Variants in STPG2 observed in about 807,000 individuals in gnomAD.
STPG2 encodes sperm tail PG-rich repeat containing 2.
A neutral mutation model predicts 54.2 loss-of-function variants in STPG2; 56 were observed. That is an observed-to-expected ratio of 1.03 (90% CI 0.83 to 1.29). STPG2 has a LOEUF of 1.29. Among genes scored for constraint, STPG2 ranks in the 50% most tolerant of loss-of-function variants. The pLI is 0.00. For missense variants in STPG2, 596 were observed against 544.9 expected (o/e 1.09, Z -0.93); for synonymous variants, 200 against 181.8 (o/e 1.10, Z -0.81).
intron 8 of STPG2, among the ~76,000 whole-genome samples, chr4:97,923,409 G>T (rs899097088): frequency 6.6e-6 from 1 of 151,918 alleles, no homozygotes; most frequent in African/African-American, 2.4e-5. Flanking sequence ...GAGTGCAGGC[G>T]CACAGCGCAG....
intron 10 of STPG2, among the ~76,000 whole-genome samples, chr4:97,667,164 T>C (rs1366118917): frequency 6.6e-6 from 1 of 152,186 alleles, no homozygotes; most frequent in Non-Finnish European, 1.5e-5. Context: ...CAGTGGAAAC[T>C]AGAAATATAA....
chr4:97,470,577 A>G (rs938876323), intron 4 of STPG2, among the ~76,000 whole-genome samples: 9 of 152,148 alleles, frequency 5.9e-5, no homozygotes, highest in African/African-American at 2.2e-4. Flanking sequence ...TGTTGTTTTT[A>G]TACACATTCT....
intron 4 of STPG2, among the ~76,000 whole-genome samples, chr4:97,541,476 C>T (rs1578374824): frequency 6.6e-6 from 1 of 152,152 alleles, no homozygotes; most frequent in Admixed American, 6.5e-5. Context: ...AAAGAGGACA[C>T]AAGCAAATGG....
intron 8 of STPG2, among the ~76,000 whole-genome samples, chr4:97,925,918 C>T (rs942895945): frequency 6.6e-6 from 1 of 152,100 alleles, no homozygotes; most frequent in East Asian, 1.9e-4. Context: ...TAACCTATAC[C>T]TTTTATTCCT....
intron 8 of STPG2, among the ~76,000 whole-genome samples, chr4:97,913,887 CAAT>C (rs937440302): frequency 6.6e-6 from 1 of 151,934 alleles, no homozygotes; most frequent in Non-Finnish European, 1.5e-5. Flanking sequence ...TTAACATTTA[CAAT>C]AATATAATTT....
chr4:97,989,336 T>C (rs1252142727), intron 5 of STPG2, among the ~76,000 whole-genome samples: 1 of 152,190 alleles, frequency 6.6e-6, no homozygotes, highest in East Asian at 1.9e-4. Flanking sequence ...CGTATTCTTC[T>C]TCTCCCTATA....
chr4:98,103,457 C>A (rs898564486), intron 5 of STPG2, among the ~76,000 whole-genome samples: 1 of 151,904 alleles, frequency 6.6e-6, no homozygotes, highest in Non-Finnish European at 1.5e-5. Context: ...GCCTGACCAA[C>A]ATAGAGAAAC....
chr4:97,885,987 A>C (rs1172022757), intron 8 of STPG2, among the ~76,000 whole-genome samples: 3 of 152,264 alleles, frequency 2.0e-5, no homozygotes, highest in Non-Finnish European at 2.9e-5. Context: ...ACAATTAAAA[A>C]GAAATGACCA....
chr4:97,589,690 A>T (rs149193008), intron 10 of STPG2, among the ~76,000 whole-genome samples: 241 of 152,312 alleles, frequency 1.6e-3, no homozygotes, highest in African/African-American at 5.7e-3. Flanking sequence ...GTGCCACGTC[A>T]TGAATGTTCC....
chr4:97,819,583 T>C (rs988699351), intron 9 of STPG2, among the ~76,000 whole-genome samples: 20 of 152,154 alleles, frequency 1.3e-4, no homozygotes, highest in Non-Finnish European at 7.4e-5. Context: ...TCTTATATGC[T>C]ATGCATTGCT....
intron 9 of STPG2, among the ~76,000 whole-genome samples, chr4:97,732,370 G>A (rs964270634): frequency 6.6e-6 from 1 of 152,162 alleles, no homozygotes; most frequent in Non-Finnish European, 1.5e-5. Flanking sequence ...TATAAGGTGA[G>A]AGATAGCGAT....
intron 9 of STPG2, among the ~76,000 whole-genome samples, chr4:97,757,446 T>C (rs1388900723): frequency 6.6e-6 from 1 of 152,208 alleles, no homozygotes; most frequent in Admixed American, 6.5e-5. Context: ...TCAAGTGCAA[T>C]ATGGTCTTAA....
At chr4:97,928,547 T>C (rs932028095) in intron 8 of STPG2, among the ~76,000 whole-genome samples, 1 of 152,126 alleles carries the variant, frequency 6.6e-6, no homozygotes, top group African/African-American at 2.4e-5. Context: ...ACAGTAAAAA[T>C]GTCCTCCTTT....
At chr4:97,698,014 A>G (rs902506233) in intron 10 of STPG2, among the ~76,000 whole-genome samples, 1 of 152,200 alleles carries the variant, frequency 6.6e-6, no homozygotes, top group Admixed American at 6.5e-5. Context: ...TCAGCTCTGA[A>G]GGCTGCCAGC....
intron 5 of STPG2, among the ~76,000 whole-genome samples, chr4:98,031,627 G>C (rs531857023): frequency 3.9e-5 from 6 of 152,234 alleles, no homozygotes; most frequent in African/African-American, 1.4e-4. Context: ...GGAGGTTGCA[G>C]TGAGCCGAGA....
At chr4:98,054,131 G>C (rs1345891362) in intron 5 of STPG2, among the ~76,000 whole-genome samples, 1 of 151,836 alleles carries the variant, frequency 6.6e-6, no homozygotes, top group African/African-American at 2.4e-5. Context: ...TTTTTAAAGA[G>C]AAAAACAGCT....
intron 8 of STPG2, among the ~76,000 whole-genome samples, chr4:97,856,647 T>A (rs139080136): frequency 3.6e-4 from 55 of 152,258 alleles, no homozygotes; most frequent in African/African-American, 1.3e-3. Flanking sequence ...TGAATATGCT[T>A]TATTTCTTTT....
intron 5 of STPG2, among the ~76,000 whole-genome samples, chr4:98,086,024 A>C (rs955326980): frequency 1.3e-5 from 2 of 152,134 alleles, no homozygotes; most frequent in African/African-American, 4.8e-5. Context: ...CAGAATTTAA[A>C]TGTTTCACCT....
At chr4:97,560,725 G>T (rs966631917) in intron 10 of STPG2, among the ~76,000 whole-genome samples, 3 of 152,124 alleles carry the variant, frequency 2.0e-5, no homozygotes, top group Non-Finnish European at 2.9e-5. Flanking sequence ...TGGAACATTT[G>T]TTTCGAAAGA....
Sources: gnomAD v4.1 joint callset for allele counts (sites outside exome capture counted in the v4.1 genomes callset) on GRCh38, gnomAD v4.1.1 for gene constraint, MANE v1.5 for transcripts, NCBI Gene and HGNC (gene_info 2026-07-23, HGNC 2026-07-21) for gene names.